The following ZFPM2 variants were observed in gnomAD, a reference collection of about 807,000 sequenced individuals.
The protein encoded by ZFPM2 is zinc finger protein ZFPM2.
ZFPM2 carries 20 observed loss-of-function variants against 98.6 expected under a neutral mutation model. That is an observed-to-expected ratio of 0.20 (90% CI 0.14 to 0.29). The LOEUF (loss-of-function observed/expected upper bound fraction) is 0.29, where lower values mean the gene tolerates loss of function less well. Ranked by LOEUF, ZFPM2 falls within the 10% of genes least tolerant of loss-of-function variation. The pLI, the probability that ZFPM2 is intolerant of heterozygous loss-of-function variation, is 1.00. For missense variants in ZFPM2, 1,310 were observed against 1,388.6 expected (o/e 0.94, Z 0.90); for synonymous variants, 518 against 502.7 (o/e 1.03, Z -0.41).
At chr8:105,357,446 A>G (rs902485591) in intron 1 of ZFPM2, among the ~76,000 whole-genome samples, 1 of 152,232 alleles carries the variant, frequency 6.6e-6, no homozygotes, top group African/African-American at 2.4e-5. Context: ...TAAACCTTAC[A>G]TCTCATAGCA....
At chr8:105,669,305 T>C (rs542311308) in intron 5 of ZFPM2, among the ~76,000 whole-genome samples, 1 of 152,082 alleles carries the variant, frequency 6.6e-6, no homozygotes, top group East Asian at 1.9e-4. Flanking sequence ...TAGCTCTAGG[T>C]CTTATTACTA....
chr8:105,380,639 TATATATTATATATATATATTATATATA>T (rs1563630780), intron 1 of ZFPM2, among the ~76,000 whole-genome samples: 2 of 29,258 alleles, frequency 6.8e-5, no homozygotes, highest in Non-Finnish European at 1.2e-4. Context: ...ATATATTATA[TATATATTATATATATATATTATATATA>T]ACATATATAT....
chr8:105,393,954 T>C (rs1811168762), intron 1 of ZFPM2, among the ~76,000 whole-genome samples: 1 of 150,460 alleles, frequency 6.6e-6, no homozygotes, highest in African/African-American at 2.5e-5. Flanking sequence ...TGTGCAGTGG[T>C]GTGATCTTGG....
chr8:105,686,304 A>G (rs887715103), intron 5 of ZFPM2, among the ~76,000 whole-genome samples: 1 of 152,066 alleles, frequency 6.6e-6, no homozygotes, highest in Non-Finnish European at 1.5e-5. Context: ...TTGCTTATCA[A>G]AGTACCATTT....
intron 5 of ZFPM2, among the ~76,000 whole-genome samples, chr8:105,743,740 C>T (rs1404450552): frequency 3.3e-5 from 5 of 152,040 alleles, no homozygotes; most frequent in African/African-American, 9.7e-5. Context: ...ACAACAAATG[C>T]TCTTCCTTTA....
intron 5 of ZFPM2, among the ~76,000 whole-genome samples, chr8:105,716,542 A>G (rs1386293954): frequency 2.0e-5 from 3 of 152,024 alleles, no homozygotes; most frequent in African/African-American, 7.2e-5. Context: ...AATAGCAGCA[A>G]TAACTCCACA....
Position 105,330,619 on chromosome 8 carries a change from T to TATATAC in ZFPM2, c.40+11643_40+11644insCATATA, listed in dbSNP as rs1554595027. Among the ~76,000 whole-genome samples the TATATAC allele has an allele frequency of 1.9e-3, 171 of 88,470 alleles. 1 individual carries two copies. Among genetic ancestry groups the TATATAC allele is most frequent in the Non-Finnish European group, 3.2e-3 (137 of 43,022 alleles). The allele number at this position is 88,470 out of a possible 152,430, so 58.0% of individuals were successfully genotyped here. On this transcript the variant is annotated intron_variant, in intron 1 of 7. Coordinates refer to ENST00000407775, the MANE Select transcript of ZFPM2 (RefSeq NM_012082.4). ...ACATATATATATATATACACATATA[T>TATATAC]ATATATATATATACATATATATATA...
chr8:105,586,219 A>T (rs1314860047), intron 4 of ZFPM2, among the ~76,000 whole-genome samples: 1 of 152,148 alleles, frequency 6.6e-6, no homozygotes, highest in Non-Finnish European at 1.5e-5. Flanking sequence ...TCCTCAGCCT[A>T]GTTTACTTCA....
chr8:105,380,687 T>A lies in ZFPM2; in HGVS notation c.41-38457T>A, dbSNP rs13273434. ...ATATAACATATATATTATATATATATTATATATAACATATATAATATATAT... is the reference window on the plus strand; with the variant it reads ...ATATAACATATATATTATATATATAATATATATAACATATATAATATATAT... On this transcript the variant is annotated intron_variant, in intron 1 of 7. Transcript: ENST00000407775. Among the ~76,000 whole-genome samples, 2 of 23,532 alleles carry A rather than the reference T, an allele frequency of 8.5e-5. 1 individual carries two copies. Among genetic ancestry groups the A allele is most frequent in the Admixed American group, 1.8e-3 (2 of 1,100 alleles). 15.4% of individuals were successfully genotyped at this position (23,532 alleles called of 152,430 possible).
chr8:105,486,545 G>A (rs561304260), intron 3 of ZFPM2, among the ~76,000 whole-genome samples: 2 of 152,256 alleles, frequency 1.3e-5, no homozygotes, highest in South Asian at 2.1e-4. Flanking sequence ...TTCAGAAATA[G>A]GGAAAGGGAC....
chr8:105,706,973 G>A (rs1349312579), intron 5 of ZFPM2, among the ~76,000 whole-genome samples: 1 of 152,036 alleles, frequency 6.6e-6, no homozygotes, highest in Non-Finnish European at 1.5e-5. Flanking sequence ...GGGTGTGGTG[G>A]CTCATGGCTG....
intron 4 of ZFPM2, among the ~76,000 whole-genome samples, chr8:105,596,739 C>CTTTTTGT: frequency 1.7e-5 from 1 of 58,932 alleles, no homozygotes; most frequent in Non-Finnish European, 3.4e-5. Flanking sequence ...CCTTTGTCTG[C>CTTTTTGT]TTTTTTTTTT....
intron 3 of ZFPM2, among the ~76,000 whole-genome samples, chr8:105,472,860 A>G (rs1812932463): frequency 7.4e-6 from 1 of 134,254 alleles, no homozygotes; most frequent in Non-Finnish European, 1.6e-5. Context: ...CACCTGGAAT[A>G]TGTCTTTCCC....
chr8:105,496,581 T>C (rs1490628183), intron 3 of ZFPM2, among the ~76,000 whole-genome samples: 5 of 152,106 alleles, frequency 3.3e-5, no homozygotes, highest in Non-Finnish European at 7.4e-5. Flanking sequence ...AGGTTGAACT[T>C]AATCTCCTGG....
intron 5 of ZFPM2, among the ~76,000 whole-genome samples, chr8:105,703,233 C>T (rs1231797069): frequency 6.6e-6 from 1 of 152,082 alleles, no homozygotes; most frequent in East Asian, 1.9e-4. Flanking sequence ...AATACCATAA[C>T]ATATATGGAG....
chr8:105,460,823 ATACTT>A (rs1223863541), intron 3 of ZFPM2, among the ~76,000 whole-genome samples: 1 of 152,102 alleles, frequency 6.6e-6, no homozygotes, highest in East Asian at 1.9e-4. Flanking sequence ...TTGTGAAAAA[ATACTT>A]TAACTATTTT....
intron 3 of ZFPM2, among the ~76,000 whole-genome samples, chr8:105,465,778 A>G (rs1812786115): frequency 6.6e-6 from 1 of 151,982 alleles, no homozygotes; most frequent in Admixed American, 6.6e-5. Flanking sequence ...GATGTATGGG[A>G]TTAGCTAGCC....
intron 1 of ZFPM2, among the ~76,000 whole-genome samples, chr8:105,329,715 A>C (rs1320591931): frequency 6.6e-6 from 1 of 151,622 alleles, no homozygotes; most frequent in Non-Finnish European, 1.5e-5. Flanking sequence ...AGGTTCTGAG[A>C]AGCTTAGGTT....
chr8:105,522,712 G>T (rs1441233816), intron 3 of ZFPM2, among the ~76,000 whole-genome samples: 1 of 151,176 alleles, frequency 6.6e-6, no homozygotes, highest in Non-Finnish European at 1.5e-5. Flanking sequence ...TGGAGGTTGT[G>T]CCACTGCACT....
Sources: gnomAD v4.1 joint callset for allele counts (sites outside exome capture counted in the v4.1 genomes callset) on GRCh38, gnomAD v4.1.1 for gene constraint, MANE v1.5 for transcripts, NCBI Gene and HGNC (gene_info 2026-07-23, HGNC 2026-07-21) for gene names.